Variants in PLCB1 observed in about 807,000 individuals in gnomAD.
The protein encoded by PLCB1 is phospholipase C beta 1, also known as 1-phosphatidylinositol 4,5-bisphosphate phosphodiesterase beta-1.
Under a neutral mutation model 161.8 loss-of-function variants are expected in PLCB1, and 46 were observed. The ratio of observed to expected loss-of-function variants is 0.28; its 90% confidence interval spans 0.22 to 0.36. The LOEUF (loss-of-function observed/expected upper bound fraction) is 0.36. PLCB1 is among the 10% of genes least tolerant of loss of function. The pLI, the probability that PLCB1 is intolerant of heterozygous loss-of-function variation, is 1.00. For missense variants in PLCB1, 1,016 were observed against 1,472.5 expected (o/e 0.69, Z 5.07); for synonymous variants, 517 against 503.7 (o/e 1.03, Z -0.35).
chr20:8,847,204 A>T (rs1986720226), intron 31 of PLCB1, among the ~76,000 whole-genome samples: 1 of 133,338 alleles, frequency 7.5e-6, no homozygotes. Flanking sequence ...CTGATTCTGA[A>T]GCTCAGGATC....
intron 3 of PLCB1, among the ~76,000 whole-genome samples, chr20:8,376,053 CAT>C: frequency 6.6e-6 from 1 of 151,690 alleles, no homozygotes; most frequent in Middle Eastern, 3.4e-3. Flanking sequence ...TTCTCAAAAG[CAT>C]TCTAGGATTG....
intron 1 of PLCB1, among the ~76,000 whole-genome samples, chr20:8,146,987 T>A (rs2051459993): frequency 6.6e-6 from 1 of 152,084 alleles, no homozygotes; most frequent in Non-Finnish European, 1.5e-5. Context: ...TAAATTAGAG[T>A]TGAATTCTTA....
intron 4 of PLCB1, among the ~76,000 whole-genome samples, chr20:8,633,899 T>G (rs995143074): frequency 6.6e-6 from 1 of 152,236 alleles, no homozygotes; most frequent in African/African-American, 2.4e-5. Context: ...TTGGTCTGAC[T>G]TCTATTATTC....
chr20:8,158,827 C>A (rs1040237669), intron 2 of PLCB1, among the ~76,000 whole-genome samples: 8 of 152,214 alleles, frequency 5.3e-5, no homozygotes, highest in African/African-American at 1.9e-4. Flanking sequence ...TCTCCTTTGA[C>A]TCCGTGTCTC....
intron 4 of PLCB1, among the ~76,000 whole-genome samples, chr20:8,640,312 T>C (rs1274061361): frequency 6.6e-6 from 1 of 152,238 alleles, no homozygotes; most frequent in East Asian, 1.9e-4. Flanking sequence ...TTGCGATTGC[T>C]CCCCTTTTTC....
chr20:8,702,473 C>T (rs1012137609), intron 11 of PLCB1, among the ~76,000 whole-genome samples: 1 of 152,072 alleles, frequency 6.6e-6, no homozygotes, highest in African/African-American at 2.4e-5. Context: ...TAGGTTAAAT[C>T]CAGCATTTCT....
intron 3 of PLCB1, among the ~76,000 whole-genome samples, chr20:8,534,241 G>C (rs1055174531): frequency 2.6e-5 from 4 of 152,154 alleles, no homozygotes; most frequent in African/African-American, 9.7e-5. Flanking sequence ...GGGACTACAG[G>C]TACAGGCGCT....
At chr20:8,398,445 C>A (rs2745759) in intron 3 of PLCB1, among the ~76,000 whole-genome samples, 26,826 of 152,116 alleles carry the variant, frequency 0.18, 2,588 homozygotes, top group Non-Finnish European at 0.19. Flanking sequence ...ACATTACCCA[C>A]AGTTCTGGAG....
intron 26 of PLCB1, among the ~76,000 whole-genome samples, chr20:8,771,467 G>T (rs141276037): frequency 2.0e-5 from 3 of 152,036 alleles, no homozygotes; most frequent in Admixed American, 6.6e-5. Context: ...GAGAAAAGGA[G>T]TATGGGTTTG....
At chr20:8,791,516 G>T (rs1424865745) in intron 31 of PLCB1, among the ~76,000 whole-genome samples, 1 of 152,100 alleles carries the variant, frequency 6.6e-6, no homozygotes, top group African/African-American at 2.4e-5. Context: ...AATCTATGCT[G>T]TCTGGTTTTA....
At chr20:8,632,223 GAGCACTAGAGA>G (rs1213668803) in intron 4 of PLCB1, among the ~76,000 whole-genome samples, 1 of 151,702 alleles carries the variant, frequency 6.6e-6, no homozygotes, top group Non-Finnish European at 1.5e-5. Context: ...AAACGGGAGA[GAGCACTAGAGA>G]AGATGTCTAT....
At chr20:8,431,464 T>C (rs184140748) in intron 3 of PLCB1, among the ~76,000 whole-genome samples, 1 of 152,314 alleles carries the variant, frequency 6.6e-6, no homozygotes, top group East Asian at 1.9e-4. Flanking sequence ...ATGTTTGACT[T>C]CACTCCAGAG....
At chr20:8,551,108 A>G (rs1985760809) in intron 3 of PLCB1, among the ~76,000 whole-genome samples, 1 of 152,210 alleles carries the variant, frequency 6.6e-6, no homozygotes, top group Non-Finnish European at 1.5e-5. Flanking sequence ...ACTGCATTTC[A>G]TCATAAATCA....
chr20:8,367,586 T>C (rs1268710549), intron 2 of PLCB1, among the ~76,000 whole-genome samples: 1 of 152,134 alleles, frequency 6.6e-6, no homozygotes, highest in Non-Finnish European at 1.5e-5. Flanking sequence ...AATTTTAAGG[T>C]CCTCACTCAA....
At chr20:8,853,629 A>G (rs1967672) in intron 31 of PLCB1, among the ~76,000 whole-genome samples, 49,308 of 151,736 alleles carry the variant, frequency 0.32, 8,786 homozygotes, top group East Asian at 0.63. Flanking sequence ...TGCCTATTAC[A>G]TGTGGTGCTT....
chr20:8,831,724 G>C (rs1985990113), intron 31 of PLCB1, among the ~76,000 whole-genome samples: 1 of 152,070 alleles, frequency 6.6e-6, no homozygotes, highest in African/African-American at 2.4e-5. Flanking sequence ...GAAACTCCTG[G>C]GCTCAAGCGA....
At chr20:8,745,786 A>G (rs1981139064) in intron 23 of PLCB1, among the ~76,000 whole-genome samples, 1 of 152,208 alleles carries the variant, frequency 6.6e-6, no homozygotes, top group South Asian at 2.1e-4. Flanking sequence ...TATAACATTC[A>G]CAGTTAATTC....
chr20:8,575,721 A>G (rs1379382028), intron 3 of PLCB1, among the ~76,000 whole-genome samples: 1 of 152,254 alleles, frequency 6.6e-6, no homozygotes, highest in Non-Finnish European at 1.5e-5. Flanking sequence ...ATTCAACTTC[A>G]GCGTGAAATC....
At chr20:8,145,765 C>T (rs2051446868) in intron 1 of PLCB1, among the ~76,000 whole-genome samples, 3 of 152,040 alleles carry the variant, frequency 2.0e-5, no homozygotes, top group African/African-American at 7.2e-5. Flanking sequence ...TTCTAGTAGC[C>T]TCATTAAAAC....
Sources: allele counts gnomAD v4.1 joint callset (sites outside exome capture counted in the v4.1 genomes callset), GRCh38; gene constraint gnomAD v4.1.1; transcripts MANE v1.5; gene names NCBI Gene and HGNC (gene_info 2026-07-23, HGNC 2026-07-21).